POU6F2: variants seen among roughly 807,000 people sequenced by gnomAD.
The protein encoded by POU6F2 is POU class 6 homeobox 2, also known as POU domain, class 6, transcription factor 2.
Under a neutral mutation model 71.3 loss-of-function variants are expected in POU6F2, and 31 were observed. The ratio of observed to expected loss-of-function variants is 0.43; its 90% CI spans 0.33 to 0.59. The LOEUF (loss-of-function observed/expected upper bound fraction) is 0.59, where lower values mean the gene tolerates loss of function less well. Among genes scored for constraint, POU6F2 ranks in the 20% least tolerant of loss-of-function variants. The pLI, the probability that POU6F2 is intolerant of heterozygous loss-of-function variation, is 0.04. For synonymous variants in POU6F2, 347 were observed against 355.7 expected (o/e 0.98, Z 0.27); for missense variants, 783 against 856.8 (o/e 0.91, Z 1.07).
Position 39,207,541 on chromosome 7 carries a change from G to T in POU6F2, c.519G>T (p.Ala173=), listed in dbSNP as rs143731302. 1 of 1,614,018 alleles carries T rather than the reference G, an allele frequency of 6.2e-7. No individual in the cohort carries two copies. The highest frequency in any genetic ancestry group is 2.2e-5 in the East Asian group (1 of 44,878). The change falls in exon 4 of 10, where the codon GCG becomes GCT. Residue 173 remains alanine, a synonymous_variant. Coordinates refer to ENST00000518318, the MANE Select transcript of POU6F2 (RefSeq NM_001370959.1). ...GACTGGTTCTCACACTGCCAACAGC[G>T]AATCTCACCAACATCCAAGGGCTGG... ...QQGLVLTLPT[A]NLTNIQGLVA...
At chr7:39,252,544 C>T (rs1292927240) in intron 4 of POU6F2, among the ~76,000 whole-genome samples, 1 of 152,050 alleles carries the variant, frequency 6.6e-6, no homozygotes, top group Non-Finnish European at 1.5e-5. Flanking sequence ...TAACCCAAAG[C>T]ATGTTTGAGG....
chr7:39,056,911 A>G (rs145466904), intron 1 of POU6F2, among the ~76,000 whole-genome samples: 341 of 152,164 alleles, frequency 2.2e-3, no homozygotes, highest in Admixed American at 3.7e-3. Context: ...TGAAAACATA[A>G]CTTGTCTGTA....
intron 2 of POU6F2, among the ~76,000 whole-genome samples, chr7:39,198,350 T>C (rs2128744506): frequency 6.6e-6 from 1 of 152,344 alleles, no homozygotes; most frequent in Non-Finnish European, 1.5e-5. Context: ...AGAATTTCTT[T>C]TTGTAGTTTA....
chr7:39,015,694 A>AT (rs1789474289), intron 1 of POU6F2, among the ~76,000 whole-genome samples: 11 of 100,590 alleles, frequency 1.1e-4, no homozygotes, highest in Admixed American at 8.5e-4. Context: ...ATATATCTAT[A>AT]TATTATATAT....
intron 4 of POU6F2, among the ~76,000 whole-genome samples, chr7:39,320,468 AT>A (rs749814261): frequency 1.3e-5 from 2 of 151,944 alleles, no homozygotes; most frequent in African/African-American, 2.4e-5. Context: ...TAAAGGGTAC[AT>A]TTTTTTTATC....
chr7:39,219,359 A>G (rs187445192), intron 4 of POU6F2, among the ~76,000 whole-genome samples: 168 of 152,324 alleles, frequency 1.1e-3, no homozygotes, highest in Non-Finnish European at 1.1e-3. Context: ...TAAATCTATT[A>G]TTTAAAAAAC....
chr7:39,272,996 G>A (rs1784366391), intron 4 of POU6F2, among the ~76,000 whole-genome samples: 1 of 152,178 alleles, frequency 6.6e-6, no homozygotes, highest in Non-Finnish European at 1.5e-5. Context: ...AATGAAAGAA[G>A]GGGAGATGAT....
At chr7:39,343,924 T>A (rs1188367969) in intron 5 of POU6F2, among the ~76,000 whole-genome samples, 1 of 152,158 alleles carries the variant, frequency 6.6e-6, no homozygotes, top group African/African-American at 2.4e-5. Context: ...CTCAGCTGGG[T>A]GGCAGAGTGA....
At chr7:39,377,563 C>T (rs1786735363) in intron 5 of POU6F2, among the ~76,000 whole-genome samples, 2 of 152,186 alleles carry the variant, frequency 1.3e-5, no homozygotes, top group Non-Finnish European at 2.9e-5. Context: ...AGCATATAGG[C>T]GTTGACAGCT....
chr7:39,383,398 C>T (rs1428336344), intron 5 of POU6F2, among the ~76,000 whole-genome samples: 1 of 152,104 alleles, frequency 6.6e-6, no homozygotes, highest in Non-Finnish European at 1.5e-5. Context: ...GTCTGAATCA[C>T]CACTAACAGA....
chr7:39,454,695 T>G (rs1187596192), intron 8 of POU6F2, among the ~76,000 whole-genome samples: 8,004 of 48,830 alleles, frequency 0.16, 1,630 homozygotes, highest in African/African-American at 0.32. Flanking sequence ...TATATATATA[T>G]ATATATATAT....
chr7:39,207,675 CT>C (rs1298182759), intron 4 of POU6F2, 55 bp downstream of exon 4: 1 of 1,492,278 alleles, frequency 6.7e-7, no homozygotes, highest in African/African-American at 1.4e-5. Flanking sequence ...CCAGTATTCT[CT>C]GAAGTGGGCA....
chr7:39,141,891 G>A (rs1792511635), intron 2 of POU6F2, among the ~76,000 whole-genome samples: 1 of 152,100 alleles, frequency 6.6e-6, no homozygotes, highest in Non-Finnish European at 1.5e-5. Flanking sequence ...ATCAAGACCA[G>A]CCTGGCCAAT....
At chr7:39,185,887 T>G (rs13308702) in intron 2 of POU6F2, among the ~76,000 whole-genome samples, 10 of 148,346 alleles carry the variant, frequency 6.7e-5, no homozygotes, top group East Asian at 2.0e-4. Context: ...ATGTATATAT[T>G]TATATGTATA....
At chr7:39,355,918 T>C (rs1007907903) in intron 5 of POU6F2, among the ~76,000 whole-genome samples, 1 of 152,140 alleles carries the variant, frequency 6.6e-6, no homozygotes, top group East Asian at 1.9e-4. Context: ...CAGGGATTAA[T>C]TGGCTAATTT....
chr7:39,430,634 T>C (rs1788078448), intron 6 of POU6F2, among the ~76,000 whole-genome samples: 1 of 152,180 alleles, frequency 6.6e-6, no homozygotes, highest in African/African-American at 2.4e-5. Flanking sequence ...CTGGTGTCAA[T>C]CTTCCCGGGA....
intron 1 of POU6F2, among the ~76,000 whole-genome samples, chr7:39,011,615 G>T (rs1253589898): frequency 1.3e-5 from 2 of 148,604 alleles, no homozygotes; most frequent in Admixed American, 1.3e-4. Flanking sequence ...TTTCTTCCTA[G>T]TCTCGATGGT....
At chr7:39,457,858 T>C (rs2116149985) in intron 8 of POU6F2, among the ~76,000 whole-genome samples, 1 of 152,210 alleles carries the variant, frequency 6.6e-6, no homozygotes, top group Admixed American at 6.5e-5. Flanking sequence ...TTCTTCCCTC[T>C]CTCAGAGAGG....
chr7:39,086,491 G>A (rs559478272), intron 2 of POU6F2, among the ~76,000 whole-genome samples: 1 of 152,208 alleles, frequency 6.6e-6, no homozygotes, highest in African/African-American at 2.4e-5. Context: ...GTCGTGCTAT[G>A]CCAGGTAAAC....
Sources: gnomAD v4.1 joint callset for allele counts (sites outside exome capture counted in the v4.1 genomes callset) on GRCh38, gnomAD v4.1.1 for gene constraint, MANE v1.5 for transcripts, NCBI Gene and HGNC (gene_info 2026-07-23, HGNC 2026-07-21) for gene names.